Variants in AKAP6 observed in about 807,000 individuals in gnomAD.
The protein encoded by AKAP6 is A-kinase anchor protein 6.
In AKAP6, 58 loss-of-function variants were observed where a neutral mutation model predicts 188.5. The ratio of observed to expected loss-of-function variants is 0.31; its 90% CI spans 0.25 to 0.38. AKAP6 has a LOEUF of 0.38. Ranked by LOEUF, AKAP6 falls within the 10% of genes least tolerant of loss-of-function variation. The pLI is 1.00. For missense variants in AKAP6, 2,710 were observed against 2,740.0 expected, an observed-to-expected ratio of 0.99 and a Z score of 0.24; for synonymous variants, 989 against 998.6, an observed-to-expected ratio of 0.99 and a Z score of 0.18.
At chr14:32,610,313 T>C (rs1036470000) in intron 7 of AKAP6, among the ~76,000 whole-genome samples, 7 of 152,232 alleles carry the variant, frequency 4.6e-5, no homozygotes, top group Admixed American at 6.5e-5. Context: ...AATGTTTTAT[T>C]TCTTAATTCT....
At chr14:32,686,638 G>A (rs773304339) in intron 8 of AKAP6, among the ~76,000 whole-genome samples, 6 of 152,154 alleles carry the variant, frequency 3.9e-5, no homozygotes, top group Non-Finnish European at 5.9e-5. Context: ...AGAGGGATAT[G>A]TAGAGGGAGG....
At chr14:32,642,430 T>C (rs866267818) in intron 7 of AKAP6, among the ~76,000 whole-genome samples, 1 of 152,242 alleles carries the variant, frequency 6.6e-6, no homozygotes, top group African/African-American at 2.4e-5. Context: ...AACTTTAATG[T>C]AATTTCATGC....
intron 9 of AKAP6, among the ~76,000 whole-genome samples, chr14:32,696,339 T>C (rs928630605): frequency 3.3e-5 from 5 of 152,204 alleles, no homozygotes; most frequent in African/African-American, 1.2e-4. Flanking sequence ...GCTGTAATTC[T>C]ATAGAAGGAC....
chr14:32,427,072 A>G (rs1490098045), intron 1 of AKAP6, among the ~76,000 whole-genome samples: 1 of 151,868 alleles, frequency 6.6e-6, no homozygotes, highest in Non-Finnish European at 1.5e-5. Context: ...AGAGAGAAAC[A>G]CCAGTGATAA....
At chr14:32,376,800 G>C (rs2138535937) in intron 1 of AKAP6, among the ~76,000 whole-genome samples, 2 of 152,224 alleles carry the variant, frequency 1.3e-5, no homozygotes, top group African/African-American at 4.8e-5. Flanking sequence ...GGATTCAAGT[G>C]ATTCTCCTGC....
intron 7 of AKAP6, among the ~76,000 whole-genome samples, chr14:32,652,782 G>A (rs1888284743): frequency 6.6e-6 from 1 of 152,174 alleles, no homozygotes; most frequent in African/African-American, 2.4e-5. Flanking sequence ...GAGTGGTGCA[G>A]TGGCTCATGC....
chr14:32,678,050 T>C (rs1028516262), intron 7 of AKAP6, among the ~76,000 whole-genome samples: 39 of 152,198 alleles, frequency 2.6e-4, no homozygotes, highest in South Asian at 2.1e-4. Context: ...TATCATACAG[T>C]ATTATGATCT....
intron 8 of AKAP6, among the ~76,000 whole-genome samples, chr14:32,694,072 G>C (rs531878682): frequency 6.6e-6 from 1 of 152,090 alleles, no homozygotes; most frequent in Admixed American, 6.5e-5. Context: ...AGAAAGTGTG[G>C]TCCATGGGGC....
chr14:32,773,023 G>A (rs2032946569), intron 11 of AKAP6, among the ~76,000 whole-genome samples: 1 of 152,182 alleles, frequency 6.6e-6, no homozygotes, highest in Non-Finnish European at 1.5e-5. Context: ...GTGCCGGCAT[G>A]TCCTTCTTAA....
intron 5 of AKAP6, among the ~76,000 whole-genome samples, chr14:32,583,789 A>G (rs771916707): frequency 6.6e-6 from 1 of 152,136 alleles, no homozygotes; most frequent in African/African-American, 2.4e-5. Flanking sequence ...CAGGTGCGGG[A>G]TATAATCTCC....
chr14:32,751,892 C>T (rs1476940625), intron 11 of AKAP6, among the ~76,000 whole-genome samples: 1 of 152,122 alleles, frequency 6.6e-6, no homozygotes, highest in African/African-American at 2.4e-5. Flanking sequence ...GCCATGAATG[C>T]AATATCCTTG....
At chr14:32,765,953 A>G (rs1594925055) in intron 11 of AKAP6, among the ~76,000 whole-genome samples, 1 of 152,162 alleles carries the variant, frequency 6.6e-6, no homozygotes, top group African/African-American at 2.4e-5. Flanking sequence ...TACATACCAG[A>G]AAATCTTATT....
intron 9 of AKAP6, among the ~76,000 whole-genome samples, chr14:32,731,466 C>A (rs146964385): frequency 2.6e-5 from 4 of 151,996 alleles, no homozygotes; most frequent in Admixed American, 1.3e-4. Flanking sequence ...CTTAGGGCAC[C>A]GTTGGTCATG....
chr14:32,588,171 A>C (rs1885334381), intron 5 of AKAP6, among the ~76,000 whole-genome samples: 2 of 152,250 alleles, frequency 1.3e-5, no homozygotes, highest in South Asian at 4.1e-4. Flanking sequence ...ATACACTTTA[A>C]GGATTATTTA....
At chr14:32,803,612 T>G (rs1594963005) in intron 12 of AKAP6, among the ~76,000 whole-genome samples, 1 of 152,320 alleles carries the variant, frequency 6.6e-6, no homozygotes, top group East Asian at 1.9e-4. Context: ...GTCTGATTAC[T>G]TTTGTTTACA....
chr14:32,508,161 GA>G (rs759388819), intron 2 of AKAP6, among the ~76,000 whole-genome samples: 64 of 152,128 alleles, frequency 4.2e-4, no homozygotes, highest in Non-Finnish European at 6.5e-4. Flanking sequence ...TAGGACTTTT[GA>G]ATCTATCCTA....
At chr14:32,417,009 T>G (rs1256533165) in intron 1 of AKAP6, among the ~76,000 whole-genome samples, 1 of 152,080 alleles carries the variant, frequency 6.6e-6, no homozygotes, top group Non-Finnish European at 1.5e-5. Context: ...ACCAGATAAT[T>G]TTTTGTATTT....
intron 2 of AKAP6, among the ~76,000 whole-genome samples, chr14:32,526,152 C>A (rs1469641457): frequency 6.6e-6 from 1 of 152,064 alleles, no homozygotes; most frequent in Non-Finnish European, 1.5e-5. Context: ...GTAGCCTTGA[C>A]CTCCTGGGCT....
At chr14:32,795,983 C>A (rs2033757187) in intron 12 of AKAP6, among the ~76,000 whole-genome samples, 1 of 152,072 alleles carries the variant, frequency 6.6e-6, no homozygotes, top group South Asian at 2.1e-4. Flanking sequence ...TTCTATATAC[C>A]AACAACAGGT....
Sources: allele counts gnomAD v4.1 joint callset (sites outside exome capture counted in the v4.1 genomes callset), GRCh38; gene constraint gnomAD v4.1.1; transcripts MANE v1.5; gene names NCBI Gene and HGNC (gene_info 2026-07-23, HGNC 2026-07-21).